Variants in SEMA6D observed in about 807,000 individuals in gnomAD.
SEMA6D encodes semaphorin-6D.
SEMA6D carries 35 observed loss-of-function variants against 106.6 expected under a neutral mutation model. That is an observed-to-expected ratio of 0.33 (90% confidence interval 0.25 to 0.44). The LOEUF is 0.44. SEMA6D is among the 20% of genes least tolerant of loss of function. SEMA6D has a pLI of 1.00. For missense variants in SEMA6D, 1,185 were observed against 1,345.9 expected, an observed-to-expected ratio of 0.88 and a Z score of 1.87; for synonymous variants, 499 against 487.7, an observed-to-expected ratio of 1.02 and a Z score of -0.31.
intron 1 of SEMA6D, chr15:47,396,486 C>CT (rs1040794853): frequency 6.6e-6 from 1 of 152,604 alleles, no homozygotes; most frequent in Non-Finnish European, 1.5e-5. Flanking sequence ...CCAAGAGCCC[C>CT]TGGCAAATCA....
At chr15:47,310,006 C>T (rs2036383398) in intron 1 of SEMA6D, among the ~76,000 whole-genome samples, 1 of 152,176 alleles carries the variant, frequency 6.6e-6, no homozygotes, top group South Asian at 2.1e-4. Context: ...ATGGCCTTGA[C>T]TGACTGTACA....
At chr15:47,341,747 A>G (rs2037819413) in intron 1 of SEMA6D, among the ~76,000 whole-genome samples, 1 of 152,146 alleles carries the variant, frequency 6.6e-6, no homozygotes. Flanking sequence ...TCCAGAAAAA[A>G]TTACTCAGAG....
chr15:47,190,290 C>G (rs1211590820), intron 1 of SEMA6D, among the ~76,000 whole-genome samples: 2 of 152,154 alleles, frequency 1.3e-5, no homozygotes, highest in Non-Finnish European at 2.9e-5. Context: ...TGGTAACATC[C>G]ATTTCCATCC....
intron 1 of SEMA6D, among the ~76,000 whole-genome samples, chr15:47,729,105 G>A (rs1281738560): frequency 6.6e-6 from 1 of 152,146 alleles, no homozygotes; most frequent in Non-Finnish European, 1.5e-5. Flanking sequence ...CACACCCAAG[G>A]CTGTCACTTC....
intron 1 of SEMA6D, among the ~76,000 whole-genome samples, chr15:47,192,868 A>T (rs932719733): frequency 1.3e-5 from 2 of 152,232 alleles, no homozygotes; most frequent in Non-Finnish European, 2.9e-5. Context: ...ATCACAATAG[A>T]GAAAAACGTT....
intron 3 of SEMA6D, among the ~76,000 whole-genome samples, chr15:47,550,719 G>C (rs2045660714): frequency 6.6e-6 from 1 of 152,096 alleles, no homozygotes; most frequent in Non-Finnish European, 1.5e-5. Flanking sequence ...CCAAGCTCAA[G>C]TAATCCTCAG....
chr15:47,726,744 A>G (rs1596802182), intron 1 of SEMA6D, among the ~76,000 whole-genome samples: 2 of 152,252 alleles, frequency 1.3e-5, no homozygotes, highest in East Asian at 3.8e-4. Context: ...CTTGGCATGT[A>G]GTGAGTGCTA....
At chr15:47,633,220 T>G (rs1444705513) in intron 4 of SEMA6D, among the ~76,000 whole-genome samples, 1 of 152,150 alleles carries the variant, frequency 6.6e-6, no homozygotes, top group Non-Finnish European at 1.5e-5. Context: ...CATTCCAGTA[T>G]TCTATCATTT....
At chr15:47,336,345 G>T (rs1465715949) in intron 1 of SEMA6D, among the ~76,000 whole-genome samples, 2 of 152,140 alleles carry the variant, frequency 1.3e-5, no homozygotes, top group African/African-American at 2.4e-5. Context: ...ATCTCGGGAA[G>T]ATTGCCCAAG....
At chr15:47,206,486 G>A (rs1895073126) in intron 1 of SEMA6D, among the ~76,000 whole-genome samples, 1 of 152,166 alleles carries the variant, frequency 6.6e-6, no homozygotes, top group Non-Finnish European at 1.5e-5. Context: ...TAGGCAGAAT[G>A]CTTTTCCCAT....
At chr15:47,748,988 A>T (rs2081284775) in intron 1 of SEMA6D, among the ~76,000 whole-genome samples, 1 of 152,056 alleles carries the variant, frequency 6.6e-6, no homozygotes, top group African/African-American at 2.4e-5. Context: ...GGGGCCGTCT[A>T]GGAAGACTCC....
intron 3 of SEMA6D, among the ~76,000 whole-genome samples, chr15:47,586,291 G>A (rs935317818): frequency 6.6e-6 from 1 of 152,192 alleles, no homozygotes; most frequent in Non-Finnish European, 1.5e-5. Context: ...CTTACAAGAA[G>A]TGATAGGGGC....
At chr15:47,638,387 G>A (rs1487488324) in intron 4 of SEMA6D, among the ~76,000 whole-genome samples, 1 of 152,126 alleles carries the variant, frequency 6.6e-6, no homozygotes, top group Non-Finnish European at 1.5e-5. Context: ...TTTTGTGTAT[G>A]ACTCAATAAT....
At chr15:47,395,479 G>T (rs2040184633) in intron 1 of SEMA6D, 1 of 152,176 alleles carries the variant, frequency 6.6e-6, no homozygotes, top group Non-Finnish European at 1.5e-5. Flanking sequence ...TGGATTGTTG[G>T]AAAGACCCTT....
chr15:47,521,741 T>A (rs1566854326), intron 3 of SEMA6D, among the ~76,000 whole-genome samples: 1 of 152,182 alleles, frequency 6.6e-6, no homozygotes, highest in Non-Finnish European at 1.5e-5. Flanking sequence ...ATCCCAGCAC[T>A]TTGGGAGGCC....
chr15:47,651,571 A>G (rs2077691994), intron 4 of SEMA6D, among the ~76,000 whole-genome samples: 3 of 152,172 alleles, frequency 2.0e-5, no homozygotes, highest in African/African-American at 7.2e-5. Context: ...TTAATGCATA[A>G]AGAGTGTTCT....
chr15:47,302,905 G>A (rs750894775), intron 1 of SEMA6D, among the ~76,000 whole-genome samples: 5 of 152,114 alleles, frequency 3.3e-5, no homozygotes, highest in East Asian at 1.9e-4. Context: ...ACTGATACAT[G>A]GTAATTTATT....
intron 1 of SEMA6D, among the ~76,000 whole-genome samples, chr15:47,374,932 G>A (rs1194468902): frequency 2.0e-5 from 3 of 152,158 alleles, no homozygotes; most frequent in African/African-American, 7.2e-5. Flanking sequence ...TTGTAGACCT[G>A]TTGCAGAGGC....
chr15:47,742,404 G>A (rs913682518), intron 1 of SEMA6D, among the ~76,000 whole-genome samples: 21 of 152,118 alleles, frequency 1.4e-4, no homozygotes, highest in African/African-American at 4.8e-4. Flanking sequence ...CTTGCTGCAC[G>A]GGAGGGATCC....
Sources: gnomAD v4.1 joint callset for allele counts (sites outside exome capture counted in the v4.1 genomes callset) on GRCh38, gnomAD v4.1.1 for gene constraint, MANE v1.5 for transcripts, NCBI Gene and HGNC (gene_info 2026-07-23, HGNC 2026-07-21) for gene names.